The following FAM114A1 variants were observed in gnomAD, a reference collection of about 807,000 sequenced individuals.
The protein encoded by FAM114A1 is family with sequence similarity 114 member A1, also known as protein NOXP20.
A neutral mutation model predicts 64.3 loss-of-function variants in FAM114A1; 62 were observed. The ratio of observed to expected loss-of-function variants is 0.96; its 90% CI spans 0.79 to 1.19. FAM114A1 has a LOEUF of 1.19. Among genes scored for constraint, FAM114A1 ranks in the 50% most tolerant of loss-of-function variants. The probability of loss-of-function intolerance (pLI) is 0.00; values close to 1 mark genes in which losing one functional copy is unlikely to be tolerated. For missense variants in FAM114A1, 645 were observed against 676.3 expected, an observed-to-expected ratio of 0.95 and a Z score of 0.51; for synonymous variants, 254 against 251.1, an observed-to-expected ratio of 1.01 and a Z score of -0.11.
At position 38,944,087 on chromosome 4, in the gene FAM114A1, T is replaced by G. The variant is rs905271056; in HGVS notation, c.*530T>G. 2.0e-5 allele frequency: 3 copies of G among 150,056 alleles called. No individual in the cohort carries two copies. The highest frequency in any genetic ancestry group is 2.9e-5 in the Non-Finnish European group (2 of 67,950). The allele number at this position is 150,056 out of a possible 1,614,324, so 9.3% of individuals were successfully genotyped here. A position where few individuals can be genotyped will look rare whatever the true frequency, so the allele number is the denominator to read the frequency against. On this transcript the variant is annotated 3_prime_UTR_variant, in exon 15 of 15. Coordinates refer to ENST00000358869, the MANE Select transcript of FAM114A1 (RefSeq NM_138389.4). Reference sequence around the variant, plus strand: ...GTCATTCTTTTTTTTTTTTTTTTTTTGAGACAGAGTCTCACTCTGTCGCCA... The same window carrying G: ...GTCATTCTTTTTTTTTTTTTTTTTTGGAGACAGAGTCTCACTCTGTCGCCA...
chr4:38,889,270 T>C (rs575801685), intron 3 of FAM114A1, among the ~76,000 whole-genome samples: 12 of 152,278 alleles, frequency 7.9e-5, no homozygotes, highest in African/African-American at 2.9e-4. Context: ...TGGTGTAAAA[T>C]TGCTACTGGA....
At chr4:38,917,061 T>C (rs1719121325) in intron 8 of FAM114A1, among the ~76,000 whole-genome samples, 1 of 151,984 alleles carries the variant, frequency 6.6e-6, no homozygotes, top group South Asian at 2.1e-4. Context: ...CCCAGCACTT[T>C]GGGAGGCCGA....
chr4:38,914,631 G>A (rs1718864019), intron 7 of FAM114A1: 2 of 285,218 alleles, frequency 7.0e-6, no homozygotes, highest in African/African-American at 2.2e-5. Flanking sequence ...ACGCCTCAGT[G>A]GAAACCACTG....
At position 38,944,560 on chromosome 4, in the gene FAM114A1, C is replaced by G. The variant is rs1171685776; in HGVS notation, c.*1003C>G. The G allele has an allele frequency of 6.6e-6, 1 of 152,288 alleles. No homozygotes were observed. The highest frequency in any genetic ancestry group is 6.5e-5 in the Admixed American group (1 of 15,272). 9.4% of individuals were successfully genotyped at this position (152,288 alleles called of 1,614,324 possible). ...GGCACTGGTTAGGAACCAGGCCACA[C>G]AGCAGGGGGTGAGCGGTGGGTGAGT... is the stretch of plus-strand genomic sequence containing the variant. On this transcript the variant is annotated 3_prime_UTR_variant, in exon 15 of 15. Coordinates refer to ENST00000358869, the MANE Select transcript of FAM114A1 (RefSeq NM_138389.4).
At chr4:38,932,881 G>A (rs1401511634) in intron 12 of FAM114A1, among the ~76,000 whole-genome samples, 1 of 147,400 alleles carries the variant, frequency 6.8e-6, no homozygotes, top group Non-Finnish European at 1.5e-5. Flanking sequence ...TTGAGACAGA[G>A]TCTCGCTCTG....
chr4:38,933,264 A>C (rs1166444948), intron 12 of FAM114A1, among the ~76,000 whole-genome samples: 3 of 152,252 alleles, frequency 2.0e-5, no homozygotes, highest in Non-Finnish European at 2.9e-5. Flanking sequence ...AAATCATTGC[A>C]TGAGGCGTGA....
chr4:38,933,013 C>A (rs1042896456), intron 12 of FAM114A1, among the ~76,000 whole-genome samples: 1 of 152,064 alleles, frequency 6.6e-6, no homozygotes, highest in African/African-American at 2.4e-5. Context: ...ACCACCACAT[C>A]CAGCTAATTT....
chr4:38,903,251 T>C (rs1407704327), intron 4 of FAM114A1, among the ~76,000 whole-genome samples: 2 of 152,208 alleles, frequency 1.3e-5, no homozygotes, highest in African/African-American at 4.8e-5. Context: ...TGTATACATA[T>C]CTGTGATCGT....
chr4:38,940,637 T>G (rs918937548), intron 13 of FAM114A1, among the ~76,000 whole-genome samples: 2 of 152,190 alleles, frequency 1.3e-5, no homozygotes, highest in Non-Finnish European at 2.9e-5. Context: ...ATCCCAGACC[T>G]GCTACAAAAT....
intron 3 of FAM114A1, among the ~76,000 whole-genome samples, chr4:38,884,937 C>G (rs1223439545): frequency 6.6e-6 from 1 of 152,128 alleles, no homozygotes; most frequent in Admixed American, 6.6e-5. Flanking sequence ...ATATACTTAA[C>G]TATTTACACA....
intron 8 of FAM114A1, among the ~76,000 whole-genome samples, chr4:38,920,892 G>T (rs369651004): frequency 6.0e-4 from 91 of 152,290 alleles, no homozygotes; most frequent in African/African-American, 2.1e-3. Context: ...TGAACTCCAC[G>T]CTAATGGGTT....
Position 38,940,873 on chromosome 4 carries a change from GA to G in FAM114A1, c.1537-94del, listed in dbSNP as rs1450093076. 3.1e-5 allele frequency: 40 copies of G among 1,295,898 alleles called. No individual in the cohort carries two copies. In the Admixed American group the frequency reaches 7.0e-4, roughly 23 times the overall value. The allele number at this position is 1,295,898 out of a possible 1,614,324, so 80.3% of individuals were successfully genotyped here. On this transcript the variant is annotated intron_variant, in intron 13 of 14. Transcript: ENST00000358869. ...TGCTTCCCCTCCTCTTCCTCTGCAAGAGATCCCTCAACAAAGCTAGTGTATT... is the reference window on the plus strand; with the variant it reads ...TGCTTCCCCTCCTCTTCCTCTGCAAGGATCCCTCAACAAAGCTAGTGTATT...
intron 4 of FAM114A1, among the ~76,000 whole-genome samples, chr4:38,898,298 T>G (rs1268123224): frequency 6.6e-6 from 1 of 152,204 alleles, no homozygotes; most frequent in African/African-American, 2.4e-5. Context: ...TCCAAAATTA[T>G]CATTGTTCCC....
intron 4 of FAM114A1, among the ~76,000 whole-genome samples, chr4:38,901,420 T>TGGG (rs1180964686): frequency 6.6e-6 from 1 of 152,150 alleles, no homozygotes; most frequent in African/African-American, 2.4e-5. Flanking sequence ...CCCAAGTAGC[T>TGGG]GGGATTACAG....
chr4:38,932,195 G>A (rs767735026), intron 11 of FAM114A1, 40 bp from the exon 12 acceptor site: 1 of 1,562,914 alleles, frequency 6.4e-7, no homozygotes, highest in Non-Finnish European at 8.6e-7. Context: ...AAAAGCATCT[G>A]CTCAGTAAAA....
chr4:38,903,803 G>A (rs1049338163), intron 4 of FAM114A1, among the ~76,000 whole-genome samples: 15 of 152,036 alleles, frequency 9.9e-5, no homozygotes, highest in African/African-American at 1.7e-4. Flanking sequence ...CTATAAACAC[G>A]TATTTCTATA....
At chr4:38,915,292 C>T (rs1718939793) in intron 8 of FAM114A1, among the ~76,000 whole-genome samples, 1 of 152,072 alleles carries the variant, frequency 6.6e-6, no homozygotes, top group South Asian at 2.1e-4. Context: ...CCAAAAAGGC[C>T]TGCACAGTAA....
chr4:38,877,656 A>C (rs1714776650), intron 2 of FAM114A1, among the ~76,000 whole-genome samples: 1 of 144,690 alleles, frequency 6.9e-6, no homozygotes, highest in Non-Finnish European at 1.6e-5. Flanking sequence ...GGTTACATAG[A>C]GTATTGGTTA....
At chr4:38,941,621 A>C (rs780775682) in intron 14 of FAM114A1, among the ~76,000 whole-genome samples, 1 of 152,220 alleles carries the variant, frequency 6.6e-6, no homozygotes, top group Non-Finnish European at 1.5e-5. Flanking sequence ...AAGAGAGAAG[A>C]GGTCCAGGAA....
Sources: allele counts gnomAD v4.1 joint callset (sites outside exome capture counted in the v4.1 genomes callset), GRCh38; gene constraint gnomAD v4.1.1; transcripts MANE v1.5; gene names NCBI Gene and HGNC (gene_info 2026-07-23, HGNC 2026-07-21).